POLG: variants seen among roughly 807,000 people sequenced by gnomAD.
POLG encodes the protein DNA polymerase subunit gamma-1.
POLG carries 110 observed loss-of-function variants against 155.4 expected under a neutral mutation model. That is an observed-to-expected ratio of 0.71 (90% CI 0.61 to 0.83). POLG has a LOEUF of 0.83. Among genes scored for constraint, POLG ranks in the 40% least tolerant of loss-of-function variants. POLG has a pLI of 0.00. For synonymous variants in POLG, 701 were observed against 631.5 expected (o/e 1.11, Z -1.65); for missense variants, 1,685 against 1,627.5 (o/e 1.04, Z -0.61).
At chr15:89,318,502 G>C (rs765217205) in intron 21 of POLG, 39 bp downstream of exon 21, 14 of 1,572,062 alleles carry the variant, frequency 8.9e-6, no homozygotes, top group African/African-American at 1.3e-5. Flanking sequence ...CCCCACATAG[G>C]AGCACATGGC....
chr15:89,316,610 T>A lies in POLG; in HGVS notation c.*141A>T, dbSNP rs571347510. 460 of 1,105,786 alleles carry A rather than the reference T, an allele frequency of 4.2e-4. 5 individuals are homozygous for A. The South Asian group carries it at 5.7e-3, about 14-fold the overall frequency. 68.5% of individuals were successfully genotyped at this position (1,105,786 alleles called of 1,614,324 possible). ...ACTGCACCTTCAGTTAGAAGGAATCTTCTTGGCAGGTCCTGCTACTGAAAA... is the reference window on the plus strand; with the variant it reads ...ACTGCACCTTCAGTTAGAAGGAATCATCTTGGCAGGTCCTGCTACTGAAAA... On this transcript the variant is annotated 3_prime_UTR_variant, in exon 23 of 23. Coordinates refer to ENST00000268124, the MANE Select transcript of POLG (RefSeq NM_002693.3).
chr15:89,328,541 ACAAGGTGACAGGAAGGCG>A lies in POLG; in HGVS notation c.1171-24_1171-7del. On this transcript the variant is annotated splice_polypyrimidine_tract_variant and splice_region_variant and intron_variant, in intron 5 of 22. Coordinates refer to ENST00000268124, the MANE Select transcript of POLG (RefSeq NM_002693.3). ...GCACAGTACTGCATCAGGTCCTGGCACAAGGTGACAGGAAGGCGCAAGGTGGGCAGCCATCCCATTACC... is the reference window on the plus strand; with the variant it reads ...GCACAGTACTGCATCAGGTCCTGGCACAAGGTGGGCAGCCATCCCATTACC... The A allele has an allele frequency of 6.2e-7, 1 of 1,613,748 alleles. No homozygotes were observed. The highest frequency in any genetic ancestry group is 8.5e-7 in the Non-Finnish European group (1 of 1,179,888).
At position 89,322,819 on chromosome 15, in the gene POLG, T is replaced by C; in HGVS notation, c.2349A>G (p.Pro783=). 6.2e-7 allele frequency: 1 copy of C among 1,614,066 alleles called. No homozygotes were observed. The highest frequency in any genetic ancestry group is 8.5e-7 in the Non-Finnish European group (1 of 1,179,942). Residue 783 remains proline (P), a synonymous_variant, in exon 14 of 23, where the codon CCA becomes CCG. Transcript: ENST00000268124. ...GAGCACGGGGCCCACTGGCACCTCCTGGGCCAGCCTGCAGGGTGCCATCCT... is the reference window on the plus strand; with the variant it reads ...GAGCACGGGGCCCACTGGCACCTCCCGGGCCAGCCTGCAGGGTGCCATCCT... ...KMEDGTLQAG[P]GGASGPRALE... is the part of the protein sequence containing the mutation.
In POLG at chr15:89,328,971, G is replaced by A. The variant is rs1567192290; in HGVS notation, c.995C>T (p.Ser332Phe). 3 of 1,613,976 alleles carry A rather than the reference G, an allele frequency of 1.9e-6. No individual in the cohort carries two copies. Among genetic ancestry groups the A allele is most frequent in the Non-Finnish European group, 1.7e-6 (2 of 1,180,042 alleles). The change falls in exon 4 of 23, where the codon TCC (serine) becomes TTC (phenylalanine). Residue 332 changes from serine to phenylalanine, a missense_variant. By Grantham distance (155) the Ser-to-Phe change is radical. Coordinates refer to ENST00000268124, the MANE Select transcript of POLG (RefSeq NM_002693.3). Reference sequence around the variant, plus strand: ...TGGGCCTCTTCTGGCTTTCCTCTGGGACTTCTGGCCTTGCTTTGTGGGGGG... The same window carrying A: ...TGGGCCTCTTCTGGCTTTCCTCTGGAACTTCTGGCCTTGCTTTGTGGGGGG... ...VQPPTKQGQKSQRKARRGPAI... is the reference protein window; with the variant it reads ...VQPPTKQGQKFQRKARRGPAI...
chr15:89,330,390 A>G, intron 2 of POLG, 114 bp from the exon 3 acceptor site: 1 of 823,914 alleles, frequency 1.2e-6, no homozygotes, highest in African/African-American at 1.7e-5. Context: ...AGCTGGGGAC[A>G]CAAGTGAGAC....
Position 89,321,766 on chromosome 15 carries a change from C to T in POLG, c.2568G>A (p.Glu856=), listed in dbSNP as rs2152061679. 1 of 1,614,014 alleles carries T rather than the reference C, an allele frequency of 6.2e-7. No homozygotes were observed. Among genetic ancestry groups the T allele is most frequent in the South Asian group, 1.1e-5 (1 of 91,070 alleles). ...CATTGCTGGCGGTGAGCCATGTGGG[C>T]TCCACAGCCCGGCGAGTGATGGTGC... ...TAGTITRRAV[E]PTWLTASNAR... Residue 856 remains glutamate, a synonymous_variant, in exon 16 of 23, where the codon GAG becomes GAA. Transcript: ENST00000268124.
chr15:89,327,265 C>G lies in POLG; in HGVS notation c.1335G>C (p.Leu445=), dbSNP rs1281022840. ...CCTCATAAGTGCCCTGTGCCTCTGC[C>G]AGGTAACGCTCCCAGTTCTGGTTGA... ...LPVNQNWERY[L]AEAQGTYEEL... Residue 445 remains leucine, a synonymous_variant, in exon 7 of 23, where the codon CTG becomes CTC. Transcript: ENST00000268124. The G allele has an allele frequency of 6.2e-7, 1 of 1,614,108 alleles. No homozygotes were observed. The highest frequency in any genetic ancestry group is 8.5e-7 in the Non-Finnish European group (1 of 1,180,038).
chr15:89,326,627 A>C lies in POLG; in HGVS notation c.1697T>G (p.Leu566Arg). The change falls in exon 9 of 23, where the codon CTT (leucine) becomes CGT (arginine). Residue 566 changes from leucine to arginine, a missense_variant. Physicochemically the swap from Leu to Arg is moderately radical, Grantham distance 102. Coordinates refer to ENST00000268124, the MANE Select transcript of POLG (RefSeq NM_002693.3). Reference sequence around the variant, plus strand: ...CAGGGCTCACCCAGGGTGTCCAGGAAGGTGCTGGGGCCGCTTGGGCAGGAG... The same window carrying C: ...CAGGGCTCACCCAGGGTGTCCAGGACGGTGCTGGGGCCGCTTGGGCAGGAG... ...TELLPKRPQH[L>R]PGHPGWYRKL... 1 of 1,613,906 alleles carries C rather than the reference A, an allele frequency of 6.2e-7. No individual in the cohort carries two copies. Among genetic ancestry groups the C allele is most frequent in the Non-Finnish European group, 8.5e-7 (1 of 1,180,006 alleles).
At chr15:89,334,021 G>C in intron 1 of POLG, 108 bp from the exon 2 acceptor site, 1 of 536,152 alleles carries the variant, frequency 1.9e-6, no homozygotes, top group Non-Finnish European at 3.3e-6. Context: ...TGTGCCAGGC[G>C]CTTCAGTTGC....
intron 14 of POLG, among the ~76,000 whole-genome samples, chr15:89,322,394 T>C (rs2055409060): frequency 6.6e-6 from 1 of 152,152 alleles, no homozygotes; most frequent in African/African-American, 2.4e-5. Flanking sequence ...ATGAATACAT[T>C]TGCCATTCCA....
At chr15:89,332,602 G>A (rs2055607802) in intron 2 of POLG, among the ~76,000 whole-genome samples, 1 of 149,404 alleles carries the variant, frequency 6.7e-6, no homozygotes, top group South Asian at 2.2e-4. Flanking sequence ...TTGCCGGCGG[G>A]GGCAGGGGGG....
At chr15:89,321,687 C>T (rs759737460) in intron 16 of POLG, 49 bp downstream of exon 16, 64 of 1,365,204 alleles carry the variant, frequency 4.7e-5, no homozygotes, top group Non-Finnish European at 6.5e-5. Context: ...CCAGTTTCTA[C>T]AGACCTGGGA....
chr15:89,323,107 G>A (rs1237684254), intron 13 of POLG, among the ~76,000 whole-genome samples: 2 of 152,174 alleles, frequency 1.3e-5, no homozygotes, highest in Non-Finnish European at 2.9e-5. Flanking sequence ...ACAGACACAA[G>A]CAAACCTGGC....
Position 89,321,205 on chromosome 15 carries a change from G to A in POLG, c.2654C>T (p.Thr885Ile), listed in dbSNP as rs1224799376. The A allele has an allele frequency of 1.2e-6, 2 of 1,614,184 alleles. No individual in the cohort carries two copies. The highest frequency in any genetic ancestry group is 1.1e-5 in the South Asian group (1 of 91,086). Residue 885 changes from threonine (T) to isoleucine (I), a missense_variant, in exon 17 of 23, where the codon ACC (threonine) becomes ATC (isoleucine). Thr to Ile is a moderately conservative substitution (Grantham distance 89). Around this residue, in one of 3 missense-constraint regions of POLG, gnomAD observed 1,210 missense variants for 1,167.1 expected, o/e 1.04. Transcript: ENST00000268124. ...KAMVQAPPGY[T>I]LVGADVDSQE... The stretch of plus-strand genomic sequence containing the variant: ...GGAGTCCACATCAGCACCCACAAGG[G>A]TGTAGCCAGGTGGGGCCTGCACCAT...
chr15:89,325,602 T>A lies in POLG; in HGVS notation c.1797A>T (p.Thr599=), dbSNP rs775651351. The A allele has an allele frequency of 1.3e-5, 21 of 1,613,638 alleles. No homozygotes were observed. Among genetic ancestry groups the A allele is most frequent in the Non-Finnish European group, 1.5e-5 (18 of 1,180,002 alleles). The part of the protein sequence containing the change: ...PSLLSLQMRV[T]PKLMALTWDG... ...CCCAGGTAAGTGCCATGAGTTTAGG[T>A]GTGACCCGCATCTGCAGGCTGAGGA... Residue 599 remains threonine, a synonymous_variant, in exon 10 of 23, where the codon ACA becomes ACT. Coordinates refer to ENST00000268124, the MANE Select transcript of POLG (RefSeq NM_002693.3).
At chr15:89,328,369 G>C (rs2055550113) in intron 6 of POLG, 87 bp downstream of exon 6, 2 of 1,044,044 alleles carry the variant, frequency 1.9e-6, no homozygotes, top group Middle Eastern at 4.0e-4. Flanking sequence ...CCCAACCTGA[G>C]ATAGAACCAG....
chr15:89,319,386 T>G (rs759496804), intron 18 of POLG, 36 bp from the exon 19 acceptor site: 2 of 1,611,096 alleles, frequency 1.2e-6, no homozygotes, highest in Non-Finnish European at 1.7e-6. Flanking sequence ...TCCACGGGAG[T>G]GCTTCCTGTG....
rs1331337530 is a variant in POLG at position 89,330,211 on chromosome 15, G to A, written c.725C>T (p.Ala242Val). 2 of 1,613,508 alleles carry A rather than the reference G, an allele frequency of 1.2e-6. No homozygotes were observed. Among genetic ancestry groups the A allele is most frequent in the Middle Eastern group, 1.7e-4 (1 of 6,038 alleles). ...RYSWTSQLSP[A>V]DLIPLEVPTG... is the part of the protein sequence containing the mutation. ...AGGGACCTCCAGGGGGATGAGGTCA[G>A]CCGGCGACAGCTGGCTGGTCCAAGA... Residue 242 changes from alanine to valine, a missense_variant, in exon 3 of 23, where the codon GCT (alanine) becomes GTT (valine). Around this residue, in one of 3 missense-constraint regions of POLG, gnomAD observed 1,210 missense variants for 1,167.1 expected, o/e 1.04. Coordinates refer to ENST00000268124, the MANE Select transcript of POLG (RefSeq NM_002693.3).
chr15:89,325,534 T>C lies in POLG; in HGVS notation c.1865A>G (p.Tyr622Cys), dbSNP rs892010680. 1 of 1,613,002 alleles carries C rather than the reference T, an allele frequency of 6.2e-7. No individual in the cohort carries two copies. Among genetic ancestry groups the C allele is most frequent in the Admixed American group, 1.7e-5 (1 of 60,026 alleles). The change falls in exon 10 of 23, where the codon TAC becomes TGC. Residue 622 changes from tyrosine to cysteine, a missense_variant. This residue lies in a region of POLG where 1,210 missense variants were observed against 1,167.1 expected (regional missense o/e 1.04). Coordinates refer to ENST00000268124, the MANE Select transcript of POLG (RefSeq NM_002693.3). ...GTTGTCCCGCCGCCCAGGCACCAAG[T>C]AGCCCCAGCCATGACGCTCTGAGTA... Reference protein sequence around the residue: ...LHYSERHGWGYLVPGRRDNLA... With the variant: ...LHYSERHGWGCLVPGRRDNLA...
Sources: gnomAD v4.1 joint callset for allele counts (sites outside exome capture counted in the v4.1 genomes callset) on GRCh38, gnomAD v4.1.1 for gene constraint, gnomAD v4.1.1 regional missense constraint, MANE v1.5 for transcripts, NCBI Gene and HGNC (gene_info 2026-07-23, HGNC 2026-07-21) for gene names.